The following ARHGEF19 variants were observed in gnomAD, a reference collection of about 807,000 sequenced individuals.
The protein encoded by ARHGEF19 is Rho guanine nucleotide exchange factor 19.
ARHGEF19 carries 92 observed loss-of-function variants against 87.6 expected under a neutral mutation model. The observed-to-expected ratio is 1.05, with a 90% CI of 0.89 to 1.25. The LOEUF (loss-of-function observed/expected upper bound fraction) is 1.25. Among genes scored for constraint, ARHGEF19 ranks in the 50% most tolerant of loss-of-function variants. The probability of loss-of-function intolerance (pLI) is 0.00; values close to 1 mark genes in which losing one functional copy is unlikely to be tolerated. For synonymous variants in ARHGEF19, 438 were observed against 446.2 expected (o/e 0.98, Z 0.23); for missense variants, 1,054 against 1,051.8 (o/e 1.00, Z -0.03).
At position 16,205,474 on chromosome 1, in the gene ARHGEF19, C is replaced by T. The variant is rs2081120556; in HGVS notation, c.1582-49G>A. The T allele has an allele frequency of 6.2e-7, 1 of 1,612,462 alleles. No individual in the cohort carries two copies. Among genetic ancestry groups the T allele is most frequent in the Non-Finnish European group, 8.5e-7 (1 of 1,179,462 alleles). On this transcript the variant is annotated intron_variant, in intron 9 of 15. Transcript: ENST00000270747. This position sits in a 1 kb window ranked among gnomAD's most constrained non-coding sequence, Gnocchi z 5.8. ...GAGGCAGTCCTCATACTCCCGAGAC[C>T]CGGCCCGCCCACAGGTGTATCTCCC... is the stretch of plus-strand genomic sequence containing the variant.
At position 16,206,274 on chromosome 1, in the gene ARHGEF19, A is replaced by T; in HGVS notation, c.1204T>A (p.Phe402Ile). 1 of 1,586,442 alleles carries T rather than the reference A, an allele frequency of 6.3e-7. No individual in the cohort carries two copies. Among genetic ancestry groups the T allele is most frequent in the Admixed American group, 1.8e-5 (1 of 54,560 alleles). ...TCGCTCAGCTCGGCAGAGCCTAAGA[A>T]GTGGCCCACAGCCACCGACAGGCTG... ...IHSLSVAVGH[F>I]LGSAELSECL... is the part of the protein sequence containing the mutation. The change falls in exon 7 of 16, where the codon TTC (phenylalanine) becomes ATC (isoleucine). Residue 402 changes from phenylalanine (F) to isoleucine (I), a missense_variant. Phe to Ile is a conservative substitution (Grantham distance 21). Coordinates refer to ENST00000270747, the MANE Select transcript of ARHGEF19 (RefSeq NM_153213.5). The surrounding 1 kb of genome is among the most constrained non-coding windows in gnomAD (Gnocchi z 4.6).
intron 14 of ARHGEF19, among the ~76,000 whole-genome samples, chr1:16,200,417 C>G (rs1269441779): frequency 1.3e-5 from 2 of 152,214 alleles, no homozygotes; most frequent in Non-Finnish European, 2.9e-5. Context: ...CCCTTTACTA[C>G]CTAAAGCTCA....
At position 16,205,803 on chromosome 1, in the gene ARHGEF19, C is replaced by G. The variant is rs755909983; in HGVS notation, c.1451+128G>C. 1.3e-5 allele frequency: 20 copies of G among 1,489,842 alleles called. No homozygotes were observed. Among genetic ancestry groups the G allele is most frequent in the Non-Finnish European group, 1.6e-5 (18 of 1,113,358 alleles). 92.3% of individuals were successfully genotyped at this position (1,489,842 alleles called of 1,614,324 possible). On this transcript the variant is annotated intron_variant, in intron 8 of 15. Transcript: ENST00000270747. This position sits in a 1 kb window ranked among gnomAD's most constrained non-coding sequence, Gnocchi z 5.8. The stretch of plus-strand genomic sequence containing the variant: ...CTTTGGGGTTGCATCTCACCTTATC[C>G]TGGTCACAGAGACCTTTTCAGGGAC...
rs1207168348 is a variant in ARHGEF19, at chr1:16,206,845, C to T, written c.1137+103G>A. 1 of 1,329,208 alleles carries T rather than the reference C, an allele frequency of 7.5e-7. No homozygotes were observed. Among genetic ancestry groups the T allele is most frequent in the African/African-American group, 1.5e-5 (1 of 64,538 alleles). The allele number at this position is 1,329,208 out of a possible 1,614,324, so 82.3% of individuals were successfully genotyped here. A position where few individuals can be genotyped will look rare whatever the true frequency, so the allele number is the denominator to read the frequency against. On this transcript the variant is annotated intron_variant, in intron 6 of 15. Coordinates refer to ENST00000270747, the MANE Select transcript of ARHGEF19 (RefSeq NM_153213.5). The surrounding 1 kb of genome is among the most constrained non-coding windows in gnomAD (Gnocchi z 4.6). ...GCGCGGACAGTCGCGCCAGCAACCCCCTTTGTGTGTCCCCCTCCCTCTATG... is the reference window on the plus strand; with the variant it reads ...GCGCGGACAGTCGCGCCAGCAACCCTCTTTGTGTGTCCCCCTCCCTCTATG...
rs545036127 is a variant in ARHGEF19, at chr1:16,199,255, C to T, written c.2147-1G>A. ...CTAACACACTGAACCTGGGGGCAAT[C>T]TGACAGCCCAAGGGAGGCTCAGGGA... On this transcript the variant is annotated splice_acceptor_variant, in intron 14 of 15. Coordinates refer to ENST00000270747, the MANE Select transcript of ARHGEF19 (RefSeq NM_153213.5). LOFTEE classifies it high-confidence loss of function. 1.2e-6 allele frequency: 2 copies of T among 1,613,892 alleles called. No individual in the cohort carries two copies. The highest frequency in any genetic ancestry group is 1.1e-5 in the South Asian group (1 of 91,074).
chr1:16,200,699 G>C (rs1170367445), intron 14 of ARHGEF19, among the ~76,000 whole-genome samples: 1 of 151,950 alleles, frequency 6.6e-6, no homozygotes, highest in African/African-American at 2.4e-5. Context: ...AGCCAAGATT[G>C]TGCCATTGCA....
At position 16,208,065 on chromosome 1, in the gene ARHGEF19, A is replaced by T. The variant is rs751421449; in HGVS notation, c.573T>A (p.Pro191=). 6.2e-7 allele frequency: 1 copy of T among 1,613,852 alleles called. No homozygotes were observed. The highest frequency in any genetic ancestry group is 1.1e-5 in the South Asian group (1 of 91,096). Residue 191 remains proline, a synonymous_variant, in exon 3 of 16, where the codon CCT becomes CCA. Transcript: ENST00000270747. Reference sequence around the variant, plus strand: ...CCGATGCCGAGAAGCGCCTCCGCTCAGGACCTTCGAGGCTCACTCGGGTGG... The same window carrying T: ...CCGATGCCGAGAAGCGCCTCCGCTCTGGACCTTCGAGGCTCACTCGGGTGG... ...SGSTRVSLEG[P]ERRRFSASEL... is the part of the protein sequence containing the mutation.
intron 12 of ARHGEF19, among the ~76,000 whole-genome samples, chr1:16,203,079 A>C (rs546090364): frequency 6.6e-6 from 1 of 152,148 alleles, no homozygotes; most frequent in East Asian, 1.9e-4. Context: ...CCAGTATATA[A>C]GCCCCACGAA....
Position 16,207,605 on chromosome 1 carries a change from A to G in ARHGEF19, c.798-7T>C. On this transcript the variant is annotated splice_region_variant and splice_polypyrimidine_tract_variant and intron_variant, in intron 4 of 15. Transcript: ENST00000270747. The surrounding 1 kb of genome is among the most constrained non-coding windows in gnomAD (Gnocchi z 4.0). ...CTCTTCCTGTGTGTCTAGCCTAGGA[A>G]AGAGAGAGCGTCACGGCCCTAGTTC... The G allele has an allele frequency of 6.2e-7, 1 of 1,613,966 alleles. No homozygotes were observed. The highest frequency in any genetic ancestry group is 8.5e-7 in the Non-Finnish European group (1 of 1,179,998).
Position 16,207,141 on chromosome 1 carries a change from T to C in ARHGEF19, c.944A>G (p.Glu315Gly). The change falls in exon 6 of 16, where the codon GAG becomes GGG. Residue 315 changes from glutamate (E) to glycine (G), a missense_variant. Glu to Gly is a moderately conservative substitution (Grantham distance 98). Coordinates refer to ENST00000270747, the MANE Select transcript of ARHGEF19 (RefSeq NM_153213.5). The surrounding 1 kb of genome is among the most constrained non-coding windows in gnomAD (Gnocchi z 4.0). ...RELRRQQREE[E>G]GPGDEAEGAE... ...GCCCTCGGCCTCGTCCCCCGGGCCCTCCTCCTCGCGCTGCTGCCGCCGCAG... is the reference window on the plus strand; with the variant it reads ...GCCCTCGGCCTCGTCCCCCGGGCCCCCCTCCTCGCGCTGCTGCCGCCGCAG... The C allele has an allele frequency of 1.3e-6, 2 of 1,527,202 alleles. No individual in the cohort carries two copies. Among genetic ancestry groups the C allele is most frequent in the Non-Finnish European group, 8.8e-7 (1 of 1,140,948 alleles). 94.6% of individuals were successfully genotyped at this position (1,527,202 alleles called of 1,614,324 possible). A position where few individuals can be genotyped will look rare whatever the true frequency, so the allele number is the denominator to read the frequency against.
chr1:16,207,946 T>TC lies in ARHGEF19; in HGVS notation c.691dup (p.Glu231GlyfsTer26). The stretch of plus-strand genomic sequence containing the variant: ...GGGCCCATGGGAGGAGCTGGTACCT[T>TC]CCCGGGCTGCTCCGGTGCCTGACCC... On this transcript the variant is annotated frameshift_variant, in exon 3 of 16. Transcript: ENST00000270747. LOFTEE classifies it high-confidence loss of function. This position sits in a 1 kb window ranked among gnomAD's most constrained non-coding sequence, Gnocchi z 4.0. 1 of 1,594,450 alleles carries TC rather than the reference T, an allele frequency of 6.3e-7. No homozygotes were observed. Among genetic ancestry groups the TC allele is most frequent in the South Asian group, 1.1e-5 (1 of 90,508 alleles).
chr1:16,204,644 C>A, intron 12 of ARHGEF19, 115 bp downstream of exon 12: 2 of 1,302,320 alleles, frequency 1.5e-6, no homozygotes, highest in Non-Finnish European at 2.0e-6. Context: ...GGCAGCATAC[C>A]CTGGCACAGG....
In ARHGEF19 at chr1:16,206,758, A is replaced by G. The variant is rs1469971762; in HGVS notation, c.1137+190T>C. 2.0e-5 allele frequency among the ~76,000 whole-genome samples: 3 copies of G among 150,896 alleles called. No homozygotes were observed. Among genetic ancestry groups the G allele is most frequent in the South Asian group, 4.2e-4 (2 of 4,742 alleles). The stretch of plus-strand genomic sequence containing the variant: ...GCCCGGCTCCCCTCGCCTCTCGCTC[A>G]GCGGCTTGCTGTCCTCGCTTCCAGA... On this transcript the variant is annotated intron_variant, in intron 6 of 15. Transcript: ENST00000270747. The surrounding 1 kb of genome is among the most constrained non-coding windows in gnomAD (Gnocchi z 4.6).
Position 16,207,887 on chromosome 1 carries a change from A to T in ARHGEF19, c.694+57T>A. Reference sequence around the variant, plus strand: ...GGCGGCCGGTGAGTGGGCATCGCCCACCCCCACCCCCACCCGGCATCTGGC... The same window carrying T: ...GGCGGCCGGTGAGTGGGCATCGCCCTCCCCCACCCCCACCCGGCATCTGGC... On this transcript the variant is annotated intron_variant, in intron 3 of 15. Coordinates refer to ENST00000270747, the MANE Select transcript of ARHGEF19 (RefSeq NM_153213.5). This position sits in a 1 kb window ranked among gnomAD's most constrained non-coding sequence, Gnocchi z 4.0. The T allele has an allele frequency of 4.8e-6, 4 of 833,430 alleles. No homozygotes were observed. The highest frequency in any genetic ancestry group is 7.2e-6 in the Non-Finnish European group (4 of 558,940). 51.6% of individuals were successfully genotyped at this position (833,430 alleles called of 1,614,324 possible).
At position 16,204,903 on chromosome 1, in the gene ARHGEF19, G is replaced by A. The variant is rs1460830910; in HGVS notation, c.1763C>T (p.Ser588Phe). Reference sequence around the variant, plus strand: ...ATGCCGAACCAGCCAGCGGGCCTGAGAGATCAGCGGGAAAATCTAGAGGGA... The same window carrying A: ...ATGCCGAACCAGCCAGCGGGCCTGAAAGATCAGCGGGAAAATCTAGAGGGA... ...HFEGKIFPLISQARWLVRHGE... is the reference protein window; with the variant it reads ...HFEGKIFPLIFQARWLVRHGE... The change falls in exon 12 of 16, where the codon TCT (serine) becomes TTT (phenylalanine). Residue 588 changes from serine (S) to phenylalanine (F), a missense_variant. Coordinates refer to ENST00000270747, the MANE Select transcript of ARHGEF19 (RefSeq NM_153213.5). 2 of 1,602,076 alleles carry A rather than the reference G, an allele frequency of 1.2e-6. No homozygotes were observed. Among genetic ancestry groups the A allele is most frequent in the Non-Finnish European group, 1.7e-6 (2 of 1,173,950 alleles).
In ARHGEF19 at chr1:16,205,148, T is replaced by C. The variant is rs1158927806; in HGVS notation, c.1685A>G (p.Gln562Arg). The C allele has an allele frequency of 1.9e-5, 31 of 1,603,484 alleles. No individual in the cohort carries two copies. The highest frequency in any genetic ancestry group is 2.6e-5 in the Non-Finnish European group (31 of 1,175,032). The change falls in exon 11 of 16, where the codon CAG (glutamine) becomes CGG (arginine). Residue 562 changes from glutamine to arginine, a missense_variant. Coordinates refer to ENST00000270747, the MANE Select transcript of ARHGEF19 (RefSeq NM_153213.5). The surrounding 1 kb of genome is among the most constrained non-coding windows in gnomAD (Gnocchi z 5.8). ...ELVQECNASV[Q>R]SMKRTEELIH... ...GAGTTCCTCTGTCCTCTTCATGGAC[T>C]GTACACTAGCATTGCACTCCTGCAC... is the stretch of plus-strand genomic sequence containing the variant.
Position 16,198,473 on chromosome 1 carries a change from G to C in ARHGEF19, c.*114C>G. The C allele has an allele frequency of 7.3e-7, 1 of 1,375,030 alleles. No homozygotes were observed. The highest frequency in any genetic ancestry group is 9.7e-7 in the Non-Finnish European group (1 of 1,028,020). The allele number at this position is 1,375,030 out of a possible 1,614,324, so 85.2% of individuals were successfully genotyped here. On this transcript the variant is annotated 3_prime_UTR_variant, in exon 16 of 16. Transcript: ENST00000270747. The surrounding 1 kb of genome is among the most constrained non-coding windows in gnomAD (Gnocchi z 4.1). ...TCCAGCCTGTGCCCTCAATGCCAAG[G>C]CCACAGAAGCGAAGTGCCAGCAGGA... is the stretch of plus-strand genomic sequence containing the variant.
In ARHGEF19 at chr1:16,207,478, C is replaced by T. The variant is rs201463151; in HGVS notation, c.874+44G>A. On this transcript the variant is annotated intron_variant, in intron 5 of 15. Coordinates refer to ENST00000270747, the MANE Select transcript of ARHGEF19 (RefSeq NM_153213.5). The surrounding 1 kb of genome is among the most constrained non-coding windows in gnomAD (Gnocchi z 4.0). ...CTTTTCCCCGTTTCCACACCGCAGC[C>T]CCTTCCTCCGTTACCTCCTCCCAGG... 175 of 1,608,686 alleles carry T rather than the reference C, an allele frequency of 1.1e-4. 1 individual carries two copies. In the African/African-American group the frequency reaches 2.1e-3, roughly 20 times the overall value.
At position 16,207,550 on chromosome 1, in the gene ARHGEF19, C is replaced by G. The variant is rs745805697; in HGVS notation, c.846G>C (p.Glu282Asp). The change falls in exon 5 of 16, where the codon GAG becomes GAC. Residue 282 changes from glutamate to aspartate, a missense_variant. Glu to Asp is a conservative substitution (Grantham distance 45). Transcript: ENST00000270747. This position sits in a 1 kb window ranked among gnomAD's most constrained non-coding sequence, Gnocchi z 4.0. ...TAAGGAGGAATCGAGACTGGCGCCGCTCGTTGGTGCTCCTGGACCCCAAAG... is the reference window on the plus strand; with the variant it reads ...TAAGGAGGAATCGAGACTGGCGCCGGTCGTTGGTGCTCCTGGACCCCAAAG... Reference protein sequence around the residue: ...EPPLGSRSTNERRQSRFLLNS... With the variant: ...EPPLGSRSTNDRRQSRFLLNS... 1.2e-6 allele frequency: 2 copies of G among 1,614,030 alleles called. No individual in the cohort carries two copies. The highest frequency in any genetic ancestry group is 1.1e-5 in the South Asian group (1 of 91,074).
Sources: allele counts gnomAD v4.1 joint callset (sites outside exome capture counted in the v4.1 genomes callset), GRCh38; gene constraint gnomAD v4.1.1; non-coding constraint Gnocchi (gnomAD v3.1); transcripts MANE v1.5; gene names NCBI Gene and HGNC (gene_info 2026-07-23, HGNC 2026-07-21).